The following UTRN variants were observed in gnomAD, a reference collection of about 807,000 sequenced individuals.
The protein encoded by UTRN is dystrophin-related protein 1.
In UTRN, 283 loss-of-function variants were observed where a neutral mutation model predicts 463.9. The ratio of observed to expected loss-of-function variants is 0.61; its 90% CI spans 0.55 to 0.67. The LOEUF (loss-of-function observed/expected upper bound fraction) is 0.67, where lower values mean the gene tolerates loss of function less well. UTRN is among the 30% of genes least tolerant of loss of function. The probability of loss-of-function intolerance (pLI) is 0.00; values close to 1 mark genes in which losing one functional copy is unlikely to be tolerated. For synonymous variants in UTRN, 1,442 were observed against 1,431.5 expected (o/e 1.01, Z -0.17); for missense variants, 3,922 against 4,084.3 (o/e 0.96, Z 1.08).
chr6:144,427,120 T>C (rs1206329663), intron 7 of UTRN, among the ~76,000 whole-genome samples: 1 of 152,204 alleles, frequency 6.6e-6, no homozygotes, highest in Non-Finnish European at 1.5e-5. Context: ...ACTCAGAAAT[T>C]GCTCCATTAC....
chr6:144,572,105 T>G (rs1368953668), intron 50 of UTRN, among the ~76,000 whole-genome samples: 1 of 152,158 alleles, frequency 6.6e-6, no homozygotes, highest in Admixed American at 6.6e-5. Flanking sequence ...CTTTGTAAGT[T>G]TTGTCACGTT....
intron 47 of UTRN, among the ~76,000 whole-genome samples, chr6:144,549,107 T>TA (rs1378487093): frequency 6.6e-6 from 1 of 152,226 alleles, no homozygotes; most frequent in East Asian, 1.9e-4. Flanking sequence ...ACTGATACCG[T>TA]AAAGCTAGGC....
chr6:144,629,364 A>C (rs1434351024), intron 51 of UTRN, among the ~76,000 whole-genome samples: 2 of 152,226 alleles, frequency 1.3e-5, no homozygotes, highest in African/African-American at 4.8e-5. Flanking sequence ...GTGCTCTTCC[A>C]GAGATACTTG....
chr6:144,819,908 CCTCCT>C (rs1436388645), intron 65 of UTRN, among the ~76,000 whole-genome samples: 2,208 of 117,964 alleles, frequency 0.019, 59 homozygotes, highest in African/African-American at 0.066. Flanking sequence ...TCCTCCTCCT[CCTCCT>C]CTCTCTCTCT....
intron 17 of UTRN, among the ~76,000 whole-genome samples, chr6:144,449,005 G>A (rs1358844961): frequency 3.9e-5 from 6 of 152,122 alleles, no homozygotes; most frequent in Non-Finnish European, 8.8e-5. Flanking sequence ...GTTCAATTGG[G>A]AGAACTTTGT....
chr6:144,437,871 C>G, intron 11 of UTRN, 125 bp downstream of exon 11: 1 of 932,006 alleles, frequency 1.1e-6, no homozygotes, highest in Non-Finnish European at 1.5e-6. Flanking sequence ...AAGTAAGACT[C>G]TTTTCTACGG....
At chr6:144,621,969 T>C (rs1327355204) in intron 51 of UTRN, among the ~76,000 whole-genome samples, 1 of 152,084 alleles carries the variant, frequency 6.6e-6, no homozygotes. Flanking sequence ...TTGGTTATAA[T>C]TAGTTTATTT....
intron 51 of UTRN, among the ~76,000 whole-genome samples, chr6:144,590,822 G>A (rs1447016791): frequency 6.9e-6 from 1 of 144,948 alleles, no homozygotes; most frequent in Non-Finnish European, 1.5e-5. Flanking sequence ...GTTGGAATTA[G>A]TCTCTCTCTC....
In UTRN at chr6:144,774,308, G is replaced by A. The variant is rs147541840; in HGVS notation, c.8576G>A (p.Arg2859His). The A allele has an allele frequency of 2.0e-5, 32 of 1,601,732 alleles. No homozygotes were observed. The highest frequency in any genetic ancestry group is 4.1e-5 in the African/African-American group (3 of 73,880). ...ATTTCAGCTGACCTGAATAATGTAC[G>A]TTTTTCTGCCTACCGTACAGCAATC... Reference protein sequence around the residue: ...FQSLADLNNVRFSAYRTAIKI... With the variant: ...FQSLADLNNVHFSAYRTAIKI... The change falls in exon 60 of 75, where the codon CGT (arginine) becomes CAT (histidine). Residue 2859 changes from arginine (R) to histidine (H), a missense_variant. Around this residue, in one of 3 missense-constraint regions of UTRN, gnomAD observed 1,309 missense variants for 1,452.6 expected, o/e 0.90. Transcript: ENST00000367545.
At chr6:144,423,904 G>A (rs934065472) in intron 5 of UTRN, 82 bp from the exon 6 acceptor site, 4 of 1,391,744 alleles carry the variant, frequency 2.9e-6, no homozygotes, top group South Asian at 1.2e-5. Flanking sequence ...CTGTCCAAAT[G>A]TGCTAAAATA....
intron 51 of UTRN, among the ~76,000 whole-genome samples, chr6:144,585,962 T>A (rs950298409): frequency 2.0e-5 from 3 of 152,166 alleles, no homozygotes; most frequent in Non-Finnish European, 4.4e-5. Flanking sequence ...CTATTTAAAA[T>A]TCATATTGGC....
intron 51 of UTRN, among the ~76,000 whole-genome samples, chr6:144,635,305 C>G (rs1410242822): frequency 6.6e-6 from 1 of 151,574 alleles, no homozygotes; most frequent in Non-Finnish European, 1.5e-5. Context: ...CACACACCAC[C>G]ACCTCTGGCT....
At chr6:144,317,689 G>A (rs1418879135) in intron 2 of UTRN, among the ~76,000 whole-genome samples, 1 of 152,136 alleles carries the variant, frequency 6.6e-6, no homozygotes, top group Admixed American at 6.5e-5. Context: ...GAGCCACCGC[G>A]CCCAGCCCCA....
intron 65 of UTRN, among the ~76,000 whole-genome samples, chr6:144,804,456 A>G (rs1418943777): frequency 6.6e-6 from 1 of 152,182 alleles, no homozygotes; most frequent in African/African-American, 2.4e-5. Context: ...GCAAAACCAG[A>G]CACTAGTTAA....
intron 71 of UTRN, 32 bp downstream of exon 71, chr6:144,836,573 C>T: frequency 6.2e-7 from 1 of 1,609,544 alleles, no homozygotes; most frequent in Non-Finnish European, 8.5e-7. Flanking sequence ...GTCACACCTC[C>T]CCAGGCCATC....
intron 41 of UTRN, among the ~76,000 whole-genome samples, chr6:144,527,552 G>C (rs967664602): frequency 2.6e-5 from 4 of 152,214 alleles, no homozygotes; most frequent in Non-Finnish European, 4.4e-5. Flanking sequence ...CTCTAGCAAA[G>C]CCGGGAGGTT....
At chr6:144,769,172 C>T (rs1793727423) in intron 58 of UTRN, among the ~76,000 whole-genome samples, 1 of 151,910 alleles carries the variant, frequency 6.6e-6, no homozygotes. Context: ...TGGTTGCCTA[C>T]TCTGGGAGAA....
intron 63 of UTRN, among the ~76,000 whole-genome samples, chr6:144,797,553 T>C (rs560106063): frequency 2.6e-5 from 4 of 152,286 alleles, no homozygotes; most frequent in South Asian, 2.1e-4. Flanking sequence ...GTGGTTTGGG[T>C]TTTTGCTTTT....
chr6:144,841,642 A>C (rs1301464009), intron 73 of UTRN, among the ~76,000 whole-genome samples: 2 of 152,142 alleles, frequency 1.3e-5, no homozygotes, highest in African/African-American at 4.8e-5. Flanking sequence ...AATGCATATA[A>C]ATTACTTAGT....
Sources: allele counts gnomAD v4.1 joint callset (sites outside exome capture counted in the v4.1 genomes callset), GRCh38; gene constraint gnomAD v4.1.1; regional missense constraint gnomAD v4.1.1; transcripts MANE v1.5; gene names NCBI Gene and HGNC (gene_info 2026-07-23, HGNC 2026-07-21).